Variants in CMC1 observed in about 807,000 individuals in gnomAD.
CMC1 encodes the protein C-X9-C motif containing 1.
A neutral mutation model predicts 14.1 loss-of-function variants in CMC1; 14 were observed. The ratio of observed to expected loss-of-function variants is 0.99; its 90% CI spans 0.66 to 1.55. The LOEUF is 1.55. CMC1 is among the 40% of genes most tolerant of loss of function. The pLI is 0.00. For missense variants in CMC1, 127 were observed against 123.8 expected (o/e 1.03, Z -0.12); for synonymous variants, 50 against 38.4 (o/e 1.30, Z -1.12).
intron 2 of CMC1, among the ~76,000 whole-genome samples, chr3:28,284,302 T>C (rs1324750522): frequency 6.6e-6 from 1 of 152,188 alleles, no homozygotes; most frequent in Non-Finnish European, 1.5e-5. Context: ...TCTTCCCTGG[T>C]GAAGTCTGTT....
At position 28,322,790 on chromosome 3, in the gene CMC1, T is replaced by C. The variant is rs1004702135; in HGVS notation, c.*3161T>C. On this transcript the variant is annotated 3_prime_UTR_variant, in exon 4 of 4. Coordinates refer to ENST00000466830, the MANE Select transcript of CMC1 (RefSeq NM_182523.2). Reference sequence around the variant, plus strand: ...AAAAATATCTAGTGAATGGCGAACATTGTCTATGTATGTATGCTATTCAGT... The same window carrying C: ...AAAAATATCTAGTGAATGGCGAACACTGTCTATGTATGTATGCTATTCAGT... 1.3e-5 allele frequency: 2 copies of C among 151,472 alleles called. No homozygotes were observed. Among genetic ancestry groups the C allele is most frequent in the Non-Finnish European group, 3.0e-5 (2 of 67,368 alleles). 9.4% of individuals were successfully genotyped at this position (151,472 alleles called of 1,614,324 possible). A position where few individuals can be genotyped will look rare whatever the true frequency, so the allele number is the denominator to read the frequency against.
rs1192705232 is a variant in CMC1 at position 28,323,489 on chromosome 3, CAA to C, written c.*3865_*3866del. ...AATTTTATCAACAAAACACTGTGAC[CAA>C]AAAATCACTTTAAATCTTAAATATT... On this transcript the variant is annotated 3_prime_UTR_variant, in exon 4 of 4. Coordinates refer to ENST00000466830, the MANE Select transcript of CMC1 (RefSeq NM_182523.2). 2 of 150,772 alleles carry C rather than the reference CAA, an allele frequency of 1.3e-5. No individual in the cohort carries two copies. The highest frequency in any genetic ancestry group is 3.9e-4 in the East Asian group (2 of 5,106). The allele number at this position is 150,772 out of a possible 1,614,324, so 9.3% of individuals were successfully genotyped here.
intron 2 of CMC1, among the ~76,000 whole-genome samples, chr3:28,264,857 T>C (rs934027572): frequency 2.0e-5 from 3 of 152,212 alleles, no homozygotes; most frequent in Admixed American, 2.0e-4. Context: ...CATATTGTCT[T>C]TATACCTAGA....
chr3:28,289,221 T>A (rs941779962), intron 2 of CMC1, among the ~76,000 whole-genome samples: 1 of 151,824 alleles, frequency 6.6e-6, no homozygotes. Context: ...TCTGAAAGAA[T>A]TTTTTTAGTT....
intron 1 of CMC1, among the ~76,000 whole-genome samples, chr3:28,249,114 G>T (rs1418523502): frequency 1.3e-5 from 2 of 152,170 alleles, no homozygotes; most frequent in South Asian, 2.1e-4. Context: ...TAAGTAAGAA[G>T]ATTGAAGGAA....
rs768304466 is a variant in CMC1, at chr3:28,263,355, A to G, written c.84A>G (p.Lys28=). The change falls in exon 2 of 4, where the codon AAA becomes AAG. Residue 28 remains lysine (K), a synonymous_variant. Coordinates refer to ENST00000466830, the MANE Select transcript of CMC1 (RefSeq NM_182523.2). The stretch of plus-strand genomic sequence containing the variant: ...CTAAAATAATGAGAGAAAAGGCCAA[A>G]GAGAGGTGTTCTGAACAAGTTCAAG... ...LIPKIMREKA[K]ERCSEQVQDF... is the part of the protein sequence containing the mutation. 15 of 1,608,278 alleles carry G rather than the reference A, an allele frequency of 9.3e-6. No homozygotes were observed. In the South Asian group the frequency reaches 1.4e-4, roughly 15 times the overall value.
rs76854105 is a variant in CMC1, at chr3:28,321,491, A to C, written c.*1862A>C. The C allele has an allele frequency of 6.6e-6, 1 of 151,400 alleles. No individual in the cohort carries two copies. Among genetic ancestry groups the C allele is most frequent in the Non-Finnish European group, 1.5e-5 (1 of 67,534 alleles). The allele number at this position is 151,400 out of a possible 1,614,324, so 9.4% of individuals were successfully genotyped here. On this transcript the variant is annotated 3_prime_UTR_variant, in exon 4 of 4. Coordinates refer to ENST00000466830, the MANE Select transcript of CMC1 (RefSeq NM_182523.2). ...GACTAAACCATTCATTGTAGCCTTCAGAATACCCATGTGTATCCATACTGA... is the reference window on the plus strand; with the variant it reads ...GACTAAACCATTCATTGTAGCCTTCCGAATACCCATGTGTATCCATACTGA...
Position 28,241,666 on chromosome 3 carries a change from G to T in CMC1, c.-128G>T. 3.2e-6 allele frequency: 4 copies of T among 1,234,476 alleles called. No homozygotes were observed. Among genetic ancestry groups the T allele is most frequent in the Non-Finnish European group, 4.0e-6 (4 of 987,856 alleles). The allele number at this position is 1,234,476 out of a possible 1,614,324, so 76.5% of individuals were successfully genotyped here. ...GGGTCCTGGCGGTGCTTTGCAAAGG[G>T]CCCGTGTTTCTGTTGCGGGAAGCTC... On this transcript the variant is annotated 5_prime_UTR_variant, in exon 1 of 4. Coordinates refer to ENST00000466830, the MANE Select transcript of CMC1 (RefSeq NM_182523.2).
chr3:28,287,870 A>G (rs961131210), intron 2 of CMC1, among the ~76,000 whole-genome samples: 4 of 151,984 alleles, frequency 2.6e-5, no homozygotes, highest in Non-Finnish European at 4.4e-5. Context: ...TTGAATTTCA[A>G]TGTATATTAA....
intron 2 of CMC1, among the ~76,000 whole-genome samples, chr3:28,297,975 C>T (rs952888): frequency 0.23 from 34,529 of 151,750 alleles, 4,417 homozygotes; most frequent in Middle Eastern, 0.29. Context: ...AAACTGTGCT[C>T]CAGTCATAAG....
At chr3:28,282,365 A>T (rs1700943667) in intron 2 of CMC1, among the ~76,000 whole-genome samples, 1 of 152,224 alleles carries the variant, frequency 6.6e-6, no homozygotes, top group Non-Finnish European at 1.5e-5. Flanking sequence ...TTTTAAGAGA[A>T]TGAGCATTAA....
chr3:28,303,793 T>C (rs1442728225), intron 2 of CMC1, among the ~76,000 whole-genome samples: 1 of 152,124 alleles, frequency 6.6e-6, no homozygotes, highest in Non-Finnish European at 1.5e-5. Context: ...TATATACAAA[T>C]GCACAAATAT....
intron 2 of CMC1, among the ~76,000 whole-genome samples, chr3:28,311,555 G>T (rs1431813747): frequency 6.6e-6 from 1 of 152,088 alleles, no homozygotes; most frequent in Non-Finnish European, 1.5e-5. Flanking sequence ...CTCTGCTTTG[G>T]TTCAGACCTT....
At chr3:28,244,171 A>G (rs952719171) in intron 1 of CMC1, among the ~76,000 whole-genome samples, 4 of 152,220 alleles carry the variant, frequency 2.6e-5, no homozygotes, top group Non-Finnish European at 5.9e-5. Context: ...TTCTAATGGC[A>G]TCAAATGCCT....
chr3:28,263,078 G>A (rs1699815587), intron 1 of CMC1: 1 of 467,666 alleles, frequency 2.1e-6, no homozygotes, highest in African/African-American at 2.1e-5. Flanking sequence ...TAAGAAACAT[G>A]TTGCTTGTAT....
chr3:28,263,351 C>A lies in CMC1; in HGVS notation c.80C>A (p.Ala27Asp). The A allele has an allele frequency of 6.2e-7, 1 of 1,606,780 alleles. No homozygotes were observed. Residue 27 changes from alanine (A) to aspartate (D), a missense_variant, in exon 2 of 4, where the codon GCC (alanine) becomes GAC (aspartate). By Grantham distance (126) the Ala-to-Asp change is moderately radical. Coordinates refer to ENST00000466830, the MANE Select transcript of CMC1 (RefSeq NM_182523.2). Reference sequence around the variant, plus strand: ...ATCCCTAAAATAATGAGAGAAAAGGCCAAAGAGAGGTGTTCTGAACAAGTT... The same window carrying A: ...ATCCCTAAAATAATGAGAGAAAAGGACAAAGAGAGGTGTTCTGAACAAGTT... ...VLIPKIMREK[A>D]KERCSEQVQD...
chr3:28,296,573 C>CT, intron 2 of CMC1, among the ~76,000 whole-genome samples: 1 of 151,960 alleles, frequency 6.6e-6, no homozygotes, highest in African/African-American at 2.4e-5. Flanking sequence ...ACTTTCTTTA[C>CT]TTTCTTTTGT....
At chr3:28,283,459 TG>T (rs1701000314) in intron 2 of CMC1, among the ~76,000 whole-genome samples, 2 of 150,014 alleles carry the variant, frequency 1.3e-5, no homozygotes, top group Non-Finnish European at 3.0e-5. Context: ...GTGGAGGTTG[TG>T]GTGAGCTGAG....
At chr3:28,269,193 A>G (rs1700148961) in intron 2 of CMC1, among the ~76,000 whole-genome samples, 1 of 152,210 alleles carries the variant, frequency 6.6e-6, no homozygotes, top group Non-Finnish European at 1.5e-5. Flanking sequence ...TAGGGGGCTT[A>G]GAACGTATCC....
Sources: allele counts gnomAD v4.1 joint callset (sites outside exome capture counted in the v4.1 genomes callset), GRCh38; gene constraint gnomAD v4.1.1; transcripts MANE v1.5; gene names NCBI Gene and HGNC (gene_info 2026-07-23, HGNC 2026-07-21).